UBQLN4: variants seen among roughly 807,000 people sequenced by gnomAD.
UBQLN4 encodes ubiquilin-4.
Under a neutral mutation model 60.4 loss-of-function variants are expected in UBQLN4, and 11 were observed. The ratio of observed to expected loss-of-function variants is 0.18; its 90% CI spans 0.11 to 0.30. UBQLN4 has a LOEUF of 0.30. Among genes scored for constraint, UBQLN4 ranks in the 10% least tolerant of loss-of-function variants. The pLI is 1.00. For missense variants in UBQLN4, 417 were observed against 795.5 expected (o/e 0.52, Z 5.72); for synonymous variants, 258 against 313.1 (o/e 0.82, Z 1.86).
rs1026840650 is a variant in UBQLN4 at position 156,035,536 on chromosome 1, T to C, written c.*1442A>G. The stretch of plus-strand genomic sequence containing the variant: ...CCTCCTCTGTGCTCTGACAGAGAAA[T>C]GTCCAATTCCAGATCAAAGGCATCA... On this transcript the variant is annotated 3_prime_UTR_variant, in exon 11 of 11. Coordinates refer to ENST00000368309, the MANE Select transcript of UBQLN4 (RefSeq NM_020131.5). The C allele has an allele frequency of 2.0e-6, 2 of 985,364 alleles. No homozygotes were observed. The highest frequency in any genetic ancestry group is 3.5e-5 in the African/African-American group (2 of 57,204). The allele number at this position is 985,364 out of a possible 1,614,324, so 61.0% of individuals were successfully genotyped here.
At position 156,048,573 on chromosome 1, in the gene UBQLN4, A is replaced by G. The variant is rs1229873192; in HGVS notation, c.828T>C (p.Pro276=). 6.2e-7 allele frequency: 1 copy of G among 1,614,110 alleles called. No homozygotes were observed. Among genetic ancestry groups the G allele is most frequent in the African/African-American group, 1.3e-5 (1 of 75,044 alleles). ...TGCGGCGGAGGGCATTATACCCTCCAGGGATGCTCTCAAGGTTGCTCAGGG... is the reference window on the plus strand; with the variant it reads ...TGCGGCGGAGGGCATTATACCCTCCGGGGATGCTCTCAAGGTTGCTCAGGG... ...DRALSNLESI[P]GGYNALRRMY... is the part of the protein sequence containing the mutation. Residue 276 remains proline (P), a synonymous_variant, in exon 5 of 11, where the codon CCT becomes CCC. Coordinates refer to ENST00000368309, the MANE Select transcript of UBQLN4 (RefSeq NM_020131.5). The surrounding 1 kb of genome is among the most constrained non-coding windows in gnomAD (Gnocchi z 4.9).
chr1:156,053,665 T>TG lies in UBQLN4; in HGVS notation c.36dup (p.Ile13HisfsTer34), dbSNP rs766721655. 7.4e-7 allele frequency: 1 copy of TG among 1,352,478 alleles called. No individual in the cohort carries two copies. Among genetic ancestry groups the TG allele is most frequent in the Non-Finnish European group, 9.6e-7 (1 of 1,044,104 alleles). The allele number at this position is 1,352,478 out of a possible 1,614,324, so 83.8% of individuals were successfully genotyped here. A position where few individuals can be genotyped will look rare whatever the true frequency, so the allele number is the denominator to read the frequency against. The stretch of plus-strand genomic sequence containing the variant: ...TTGGGGGTCTTGACGGTGACCCGAA[T>TG]GGGGGGCCTCGTCTCGGCCCCGCTC... On this transcript the variant is annotated frameshift_variant, in exon 1 of 11. Transcript: ENST00000368309. LOFTEE classifies it high-confidence loss of function.
downstream of UBQLN4, among the ~76,000 whole-genome samples, chr1:156,034,871 A>ATATT: frequency 1.4e-5 from 1 of 70,062 alleles, no homozygotes; most frequent in Non-Finnish European, 2.7e-5. Flanking sequence ...ATATATATAT[A>ATATT]ATTTTTTTTT....
In UBQLN4 at chr1:156,053,774, C is replaced by T. The variant is rs962701252; in HGVS notation, c.-73G>A. On this transcript the variant is annotated 5_prime_UTR_variant, in exon 1 of 11. Coordinates refer to ENST00000368309, the MANE Select transcript of UBQLN4 (RefSeq NM_020131.5). Reference sequence around the variant, plus strand: ...CTCCCCGCCCGCCCGGCCGGCCCGGCTCGGCTTCTGCGCCTCCAACACTCC... The same window carrying T: ...CTCCCCGCCCGCCCGGCCGGCCCGGTTCGGCTTCTGCGCCTCCAACACTCC... The T allele has an allele frequency of 1.0e-6, 1 of 1,004,566 alleles. No individual in the cohort carries two copies. Among genetic ancestry groups the T allele is most frequent in the Admixed American group, 4.6e-5 (1 of 21,966 alleles). 62.2% of individuals were successfully genotyped at this position (1,004,566 alleles called of 1,614,324 possible). A position where few individuals can be genotyped will look rare whatever the true frequency, so the allele number is the denominator to read the frequency against.
In UBQLN4 at chr1:156,050,971, G is replaced by T; in HGVS notation, c.478+139C>A. 1 of 817,708 alleles carries T rather than the reference G, an allele frequency of 1.2e-6. No individual in the cohort carries two copies. The highest frequency in any genetic ancestry group is 2.0e-6 in the Non-Finnish European group (1 of 504,292). The allele number at this position is 817,708 out of a possible 1,614,324, so 50.7% of individuals were successfully genotyped here. A position where few individuals can be genotyped will look rare whatever the true frequency, so the allele number is the denominator to read the frequency against. ...TAGTTTCTTCCCCAGCTTGACTCAAGTATCAATGTCTGGAACTCTGTCATG... is the reference window on the plus strand; with the variant it reads ...TAGTTTCTTCCCCAGCTTGACTCAATTATCAATGTCTGGAACTCTGTCATG... On this transcript the variant is annotated intron_variant, in intron 3 of 10. Coordinates refer to ENST00000368309, the MANE Select transcript of UBQLN4 (RefSeq NM_020131.5). This position sits in a 1 kb window ranked among gnomAD's most constrained non-coding sequence, Gnocchi z 4.6.
chr1:156,044,293 C>G, intron 5 of UBQLN4, 70 bp from the exon 6 acceptor site: 1 of 1,375,586 alleles, frequency 7.3e-7, no homozygotes, highest in Non-Finnish European at 1.0e-6. Flanking sequence ...CCCATTCTCT[C>G]CTCTCACTTA....
At chr1:156,041,815 G>T in intron 9 of UBQLN4, 57 bp downstream of exon 9, 1 of 1,529,108 alleles carries the variant, frequency 6.5e-7, no homozygotes, top group Non-Finnish European at 8.8e-7. Flanking sequence ...GCAGAGAGAA[G>T]AGTTGAAGGG....
intron 6 of UBQLN4, among the ~76,000 whole-genome samples, chr1:156,043,379 G>C (rs1237085704): frequency 1.3e-5 from 2 of 152,172 alleles, no homozygotes; most frequent in African/African-American, 4.8e-5. Flanking sequence ...TCCTGGAGAT[G>C]AAGACCTTTC....
At chr1:156,034,869 A>ATATATATATG (rs1402182459), downstream of UBQLN4, among the ~76,000 whole-genome samples, 4 of 83,208 alleles carry the variant, frequency 4.8e-5, no homozygotes, top group African/African-American at 1.8e-4. Flanking sequence ...ATATATATAT[A>ATATATATATG]TAATTTTTTT....
chr1:156,042,462 T>C, intron 7 of UBQLN4: 2 of 1,387,930 alleles, frequency 1.4e-6, no homozygotes, highest in Non-Finnish European at 1.9e-6. Flanking sequence ...CTGGGTCTGA[T>C]GATGATGAGG....
In UBQLN4 at chr1:156,044,231, G is replaced by A; in HGVS notation, c.901-8C>T. On this transcript the variant is annotated splice_region_variant and splice_polypyrimidine_tract_variant and intron_variant, in intron 5 of 10. Transcript: ENST00000368309. The stretch of plus-strand genomic sequence containing the variant: ...GAAGGGATTGTTGCCAAACTGGGAG[G>A]AGGGAAAGGTTTTGGGTTAAGGACT... 6.4e-7 allele frequency: 1 copy of A among 1,557,032 alleles called. No homozygotes were observed. The highest frequency in any genetic ancestry group is 8.7e-7 in the Non-Finnish European group (1 of 1,149,884).
chr1:156,043,051 G>A, intron 6 of UBQLN4, 138 bp from the exon 7 acceptor site: 2 of 1,212,110 alleles, frequency 1.7e-6, no homozygotes, highest in Admixed American at 5.4e-5. Flanking sequence ...GGCACCCTAG[G>A]ATTGTGGCAT....
downstream of UBQLN4, among the ~76,000 whole-genome samples, chr1:156,032,138 G>C (rs967452082): frequency 6.6e-6 from 1 of 151,466 alleles, no homozygotes; most frequent in African/African-American, 2.4e-5. Flanking sequence ...GAATAGCTGG[G>C]ATTACAGGCA....
At chr1:156,052,036 G>C (rs139366031) in intron 1 of UBQLN4, among the ~76,000 whole-genome samples, 179 bp from the exon 2 acceptor site, 88 of 152,198 alleles carry the variant, frequency 5.8e-4, no homozygotes, top group African/African-American at 2.0e-3. Flanking sequence ...CTTAACAAAG[G>C]AGATGAACCA....
Position 156,050,172 on chromosome 1 carries a change from A to G in UBQLN4, c.741+119T>C. 8.2e-6 allele frequency: 11 copies of G among 1,334,462 alleles called. No homozygotes were observed. The highest frequency in any genetic ancestry group is 8.0e-6 in the Non-Finnish European group (8 of 1,001,854). 82.7% of individuals were successfully genotyped at this position (1,334,462 alleles called of 1,614,324 possible). On this transcript the variant is annotated intron_variant, in intron 4 of 10. Coordinates refer to ENST00000368309, the MANE Select transcript of UBQLN4 (RefSeq NM_020131.5). The surrounding 1 kb of genome is among the most constrained non-coding windows in gnomAD (Gnocchi z 4.6). ...CCTGTCTTTTCATCCCTGTACCTCC[A>G]GTGTTCAAAACTGCTGAATACACGA...
chr1:156,043,057 G>A (rs1266807357), intron 6 of UBQLN4, 144 bp from the exon 7 acceptor site: 15 of 1,162,280 alleles, frequency 1.3e-5, no homozygotes, highest in Non-Finnish European at 1.8e-5. Context: ...CTAGGATTGT[G>A]GCATGAGTCC....
chr1:156,050,218 CA>C lies in UBQLN4; in HGVS notation c.741+72del. The C allele has an allele frequency of 6.7e-7, 1 of 1,499,702 alleles. No homozygotes were observed. The highest frequency in any genetic ancestry group is 8.9e-7 in the Non-Finnish European group (1 of 1,122,156). 92.9% of individuals were successfully genotyped at this position (1,499,702 alleles called of 1,614,324 possible). On this transcript the variant is annotated intron_variant, in intron 4 of 10. Coordinates refer to ENST00000368309, the MANE Select transcript of UBQLN4 (RefSeq NM_020131.5). This position sits in a 1 kb window ranked among gnomAD's most constrained non-coding sequence, Gnocchi z 4.6. ...CACGAATGAACAAATCAATGTAGGA[CA>C]AAGTAGGAAAGGCTGGGCAGGGCAC...
chr1:156,039,245 C>CT (rs34866268), intron 10 of UBQLN4, among the ~76,000 whole-genome samples: 1,713 of 82,488 alleles, frequency 0.021, 91 homozygotes, highest in African/African-American at 0.051. Context: ...CCTGGCCTGG[C>CT]TTTTTTTTTT....
chr1:156,035,780 C>A lies in UBQLN4; in HGVS notation c.*1198G>T, dbSNP rs1223398930. 1 of 985,546 alleles carries A rather than the reference C, an allele frequency of 1.0e-6. No individual in the cohort carries two copies. The highest frequency in any genetic ancestry group is 1.1e-4 in the East Asian group (1 of 8,946). The allele number at this position is 985,546 out of a possible 1,614,324, so 61.1% of individuals were successfully genotyped here. A position where few individuals can be genotyped will look rare whatever the true frequency, so the allele number is the denominator to read the frequency against. On this transcript the variant is annotated 3_prime_UTR_variant, in exon 11 of 11. Transcript: ENST00000368309. The stretch of plus-strand genomic sequence containing the variant: ...GCATCCAGAGCCCCAAGGGACCTAG[C>A]TCTCCCGGATATATATTCCTGCAAT...
Sources: gnomAD v4.1 joint callset for allele counts (sites outside exome capture counted in the v4.1 genomes callset) on GRCh38, gnomAD v4.1.1 for gene constraint, Gnocchi (gnomAD v3.1) non-coding constraint, MANE v1.5 for transcripts, NCBI Gene and HGNC (gene_info 2026-07-23, HGNC 2026-07-21) for gene names.